The following ARRB1 variants were observed in gnomAD, a reference collection of about 807,000 sequenced individuals.
ARRB1 encodes arrestin beta 1.
Under a neutral mutation model 56.8 loss-of-function variants are expected in ARRB1, and 21 were observed. The ratio of observed to expected loss-of-function variants is 0.37; its 90% CI spans 0.26 to 0.53. ARRB1 has a LOEUF of 0.53. ARRB1 is among the 20% of genes least tolerant of loss of function. ARRB1 has a pLI of 0.88. For missense variants in ARRB1, 424 were observed against 553.7 expected, an observed-to-expected ratio of 0.77 and a Z score of 2.35; for synonymous variants, 210 against 218.6, an observed-to-expected ratio of 0.96 and a Z score of 0.35.
chr11:75,333,720 G>A (rs1163479819), intron 1 of ARRB1, among the ~76,000 whole-genome samples: 1 of 152,166 alleles, frequency 6.6e-6, no homozygotes, highest in African/African-American at 2.4e-5. Context: ...ACCGTCTCTA[G>A]GTCACAGGCA....
At chr11:75,351,278 C>G (rs1947846545) in intron 1 of ARRB1, among the ~76,000 whole-genome samples, 1 of 152,202 alleles carries the variant, frequency 6.6e-6, no homozygotes, top group Admixed American at 6.5e-5. Flanking sequence ...TTAGTGTGCC[C>G]GTGCGTGTAT....
chr11:75,351,634 G>A lies in ARRB1; in HGVS notation c.-27C>T. On this transcript the variant is annotated 5_prime_UTR_variant, in exon 1 of 16. Coordinates refer to ENST00000420843, the MANE Select transcript of ARRB1 (RefSeq NM_004041.5). ...GTCCGCGACGGTCGCAGGGAGGTCC[G>A]CGGCGTCAGCGCCCAGGCTGGAAAA... The A allele has an allele frequency of 7.3e-7, 1 of 1,373,676 alleles. No individual in the cohort carries two copies. The highest frequency in any genetic ancestry group is 1.6e-5 in the South Asian group (1 of 62,486). 85.1% of individuals were successfully genotyped at this position (1,373,676 alleles called of 1,614,324 possible).
At chr11:75,297,268 GAAA>G (rs61232550) in intron 1 of ARRB1, among the ~76,000 whole-genome samples, 38,286 of 139,048 alleles carry the variant, frequency 0.28, 5,217 homozygotes, top group African/African-American at 0.38. Context: ...AAACTATCTT[GAAA>G]AAAAAAAAAA....
chr11:75,302,886 G>C (rs1946938040), intron 1 of ARRB1, among the ~76,000 whole-genome samples: 1 of 152,158 alleles, frequency 6.6e-6, no homozygotes. Context: ...GCGGGTGGGA[G>C]GAGATGGTCA....
intron 1 of ARRB1, among the ~76,000 whole-genome samples, chr11:75,339,726 T>C (rs893232467): frequency 6.6e-6 from 1 of 152,154 alleles, no homozygotes; most frequent in Non-Finnish European, 1.5e-5. Context: ...TCTCTCCCAA[T>C]ACATCTGAGC....
chr11:75,277,548 A>G lies in ARRB1; in HGVS notation c.619-100T>C, dbSNP rs1946228811. Reference sequence around the variant, plus strand: ...CCCACGCGATCTTCTGGGGTTCCCCAGACCTTGCGCAGACCTTCAGAAGGG... The same window carrying G: ...CCCACGCGATCTTCTGGGGTTCCCCGGACCTTGCGCAGACCTTCAGAAGGG... On this transcript the variant is annotated intron_variant, in intron 8 of 15. Coordinates refer to ENST00000420843, the MANE Select transcript of ARRB1 (RefSeq NM_004041.5). The G allele has an allele frequency of 9.0e-6, 10 of 1,110,096 alleles. 1 individual carries two copies. The Admixed American group carries it at 1.8e-4, about 20-fold the overall frequency. 68.8% of individuals were successfully genotyped at this position (1,110,096 alleles called of 1,614,324 possible). A position where few individuals can be genotyped will look rare whatever the true frequency, so the allele number is the denominator to read the frequency against.
rs116099324 is a variant in ARRB1 at position 75,272,449 on chromosome 11, C to T, written c.998+446G>A. ...TCTGTAAAATGGGAAAGCTGACTAG[C>T]AAATCCCCAATCCAGCTCTGGGTTC... On this transcript the variant is annotated intron_variant, in intron 12 of 15. Transcript: ENST00000420843. Among the ~76,000 whole-genome samples the T allele has an allele frequency of 6.6e-5, 10 of 152,282 alleles. No individual in the cohort carries two copies. The East Asian group carries it at 1.9e-3, about 29-fold the overall frequency.
chr11:75,296,312 G>A (rs1373219203), intron 1 of ARRB1, among the ~76,000 whole-genome samples: 2 of 151,790 alleles, frequency 1.3e-5, no homozygotes, highest in African/African-American at 2.4e-5. Flanking sequence ...CAGATCCGCT[G>A]TTCTAGAAAA....
At chr11:75,349,766 G>C (rs1947819541) in intron 1 of ARRB1, among the ~76,000 whole-genome samples, 1 of 152,248 alleles carries the variant, frequency 6.6e-6, no homozygotes, top group African/African-American at 2.4e-5. Flanking sequence ...AGGTCACAGT[G>C]CTGGCCAGCC....
In ARRB1 at chr11:75,261,633, GGA is replaced by G. The variant is rs1034670804; in HGVS notation, c.*4528_*4529del. ...GACTTCCCTTTTGGGGTGACGAGTT[GGA>G]GTGTGATGGGGGGAGGATGTTTCCC... is the stretch of plus-strand genomic sequence containing the variant. On this transcript the variant is annotated 3_prime_UTR_variant, in exon 16 of 16. Coordinates refer to ENST00000420843, the MANE Select transcript of ARRB1 (RefSeq NM_004041.5). 13 of 152,364 alleles carry G rather than the reference GGA, an allele frequency of 8.5e-5. No homozygotes were observed. Among genetic ancestry groups the G allele is most frequent in the African/African-American group, 3.1e-4 (13 of 41,562 alleles). The allele number at this position is 152,364 out of a possible 1,614,324, so 9.4% of individuals were successfully genotyped here. A position where few individuals can be genotyped will look rare whatever the true frequency, so the allele number is the denominator to read the frequency against.
chr11:75,294,424 G>T (rs1946678833), intron 1 of ARRB1, among the ~76,000 whole-genome samples: 2 of 152,012 alleles, frequency 1.3e-5, no homozygotes, highest in African/African-American at 4.8e-5. Context: ...GGACATGGTG[G>T]CATGCACCTG....
chr11:75,290,087 G>C (rs1332450758), intron 1 of ARRB1, 48 bp from the exon 2 acceptor site: 1 of 1,612,602 alleles, frequency 6.2e-7, no homozygotes, highest in Admixed American at 1.7e-5. Flanking sequence ...ATCCTGCCCA[G>C]GGGCAAGCTC....
At chr11:75,272,478 G>A (rs1443275618) in intron 12 of ARRB1, among the ~76,000 whole-genome samples, 1 of 152,204 alleles carries the variant, frequency 6.6e-6, no homozygotes, top group African/African-American at 2.4e-5. Flanking sequence ...TGGGTTCTGA[G>A]CCCTTTTAGC....
chr11:75,333,272 C>G (rs975318535), intron 1 of ARRB1, among the ~76,000 whole-genome samples: 4 of 152,362 alleles, frequency 2.6e-5, no homozygotes, highest in African/African-American at 9.6e-5. Context: ...TCAAGCTCTG[C>G]AGGGCAGAAA....
intron 1 of ARRB1, among the ~76,000 whole-genome samples, chr11:75,327,233 C>T (rs1947450995): frequency 1.6e-5 from 2 of 128,698 alleles, no homozygotes; most frequent in South Asian, 2.5e-4. Flanking sequence ...ACCCAAAAGG[C>T]GGAGCTTGCA....
chr11:75,300,135 C>T (rs959717497), intron 1 of ARRB1, among the ~76,000 whole-genome samples: 1 of 142,982 alleles, frequency 7.0e-6, no homozygotes, highest in Non-Finnish European at 1.5e-5. Context: ...ACCCAGGAGG[C>T]GAGGTTGCAG....
At chr11:75,323,051 G>A (rs1378458048) in intron 1 of ARRB1, among the ~76,000 whole-genome samples, 1 of 152,174 alleles carries the variant, frequency 6.6e-6, no homozygotes, top group Non-Finnish European at 1.5e-5. Flanking sequence ...GCCCAGATTA[G>A]GGAGGTAGCA....
chr11:75,280,057 G>T (rs75116841), intron 7 of ARRB1, among the ~76,000 whole-genome samples: 2 of 152,270 alleles, frequency 1.3e-5, no homozygotes, highest in African/African-American at 4.8e-5. Context: ...ATCAGCCCTT[G>T]ATAAATGATA....
At chr11:75,330,307 TCAAGG>T (rs1187197525) in intron 1 of ARRB1, among the ~76,000 whole-genome samples, 3 of 152,060 alleles carry the variant, frequency 2.0e-5, no homozygotes, top group Non-Finnish European at 2.9e-5. Context: ...GCACAGCATC[TCAAGG>T]GCTAAGGAGG....
Sources: gnomAD v4.1 joint callset for allele counts (sites outside exome capture counted in the v4.1 genomes callset) on GRCh38, gnomAD v4.1.1 for gene constraint, MANE v1.5 for transcripts, NCBI Gene and HGNC (gene_info 2026-07-23, HGNC 2026-07-21) for gene names.